Variants in BBS4 observed in about 807,000 individuals in gnomAD.
BBS4 encodes BBSome complex member BBS4.
In BBS4, 58 loss-of-function variants were observed where a neutral mutation model predicts 71.4. That is an observed-to-expected ratio of 0.81 (90% CI 0.66 to 1.01). The LOEUF is 1.01. Ranked by LOEUF, BBS4 falls within the 50% of genes least tolerant of loss-of-function variation. BBS4 has a pLI of 0.00. For missense variants in BBS4, 660 were observed against 607.9 expected, an observed-to-expected ratio of 1.09 and a Z score of -0.90; for synonymous variants, 228 against 216.8, an observed-to-expected ratio of 1.05 and a Z score of -0.46.
rs1355558988 is a variant in BBS4, at chr15:72,725,804, TCCC to T, written c.587+1152_587+1154del. Among the ~76,000 whole-genome samples, 9 of 16,120 alleles carry T rather than the reference TCCC, an allele frequency of 5.6e-4. 1 individual carries two copies. The highest frequency in any genetic ancestry group is 0.011 in the South Asian group (2 of 190). 10.6% of individuals were successfully genotyped at this position (16,120 alleles called of 152,430 possible). On this transcript the variant is annotated intron_variant, in intron 8 of 15. Transcript: ENST00000268057. ...CCCTTCCTCCTTCCCTCTTCCCCCATCCCCCTTCCCCCATCCCCCTTTCCCCAT... is the reference window on the plus strand; with the variant it reads ...CCCTTCCTCCTTCCCTCTTCCCCCATCCTTCCCCCATCCCCCTTTCCCCAT...
chr15:72,734,608 G>A (rs572313091), intron 12 of BBS4, among the ~76,000 whole-genome samples: 54 of 152,294 alleles, frequency 3.5e-4, no homozygotes, highest in African/African-American at 1.3e-3. Flanking sequence ...TGGGGAGGTG[G>A]AATGGGCAGG....
Position 72,738,346 on chromosome 15 carries a change from C to CT in BBS4, c.*760dup, listed in dbSNP as rs1230822054. The CT allele has an allele frequency of 2.2e-6, 1 of 453,750 alleles. No individual in the cohort carries two copies. Among genetic ancestry groups the CT allele is most frequent in the Admixed American group, 2.4e-5 (1 of 42,508 alleles). The allele number at this position is 453,750 out of a possible 1,614,324, so 28.1% of individuals were successfully genotyped here. On this transcript the variant is annotated 3_prime_UTR_variant, in exon 16 of 16. Transcript: ENST00000268057. ...TATTGAAGATAGTCAGTGATAACCACTGACCAGATGCTATCAATACACTAT... is the reference window on the plus strand; with the variant it reads ...TATTGAAGATAGTCAGTGATAACCACTTGACCAGATGCTATCAATACACTAT...
intron 1 of BBS4, among the ~76,000 whole-genome samples, chr15:72,692,116 CATT>C (rs2064995273): frequency 6.6e-6 from 1 of 151,940 alleles, no homozygotes; most frequent in Admixed American, 6.6e-5. Flanking sequence ...TAGCCCTGAG[CATT>C]ATTATGTAGG....
intron 1 of BBS4, 60 bp from the exon 2 acceptor site, chr15:72,695,117 T>C (rs2065052196): frequency 1.6e-6 from 2 of 1,223,836 alleles, no homozygotes; most frequent in Admixed American, 3.5e-5. Flanking sequence ...TTTGGATGCT[T>C]CTTTAAGTTA....
chr15:72,730,662 T>A (rs1184583198), intron 10 of BBS4, among the ~76,000 whole-genome samples: 1 of 152,186 alleles, frequency 6.6e-6, no homozygotes, highest in East Asian at 1.9e-4. Context: ...TTTTTCTAGA[T>A]GTGACTTTGG....
intron 2 of BBS4, 28 bp downstream of exon 2, chr15:72,695,256 A>G (rs1281747797): frequency 2.8e-6 from 4 of 1,410,872 alleles, no homozygotes; most frequent in Middle Eastern, 1.9e-4. Flanking sequence ...TGGTATGTGT[A>G]TGTTTGCACA....
chr15:72,715,503 C>A, intron 5 of BBS4, 101 bp downstream of exon 5: 2 of 823,560 alleles, frequency 2.4e-6, no homozygotes, highest in Non-Finnish European at 4.2e-6. Context: ...CAGCCTGATA[C>A]ACAAGTGGGG....
rs547415871 is a variant in BBS4, at chr15:72,712,695, C to T, written c.220+388C>T. Among the ~76,000 whole-genome samples, 4 of 152,126 alleles carry T rather than the reference C, an allele frequency of 2.6e-5. No individual in the cohort carries two copies. The South Asian group carries it at 8.3e-4, about 32-fold the overall frequency. ...TAGTATACCTGTATAGAGTACTTAC[C>T]ATGGATGGACTGGAAGTTGCTCTGG... On this transcript the variant is annotated intron_variant, in intron 4 of 15. Coordinates refer to ENST00000268057, the MANE Select transcript of BBS4 (RefSeq NM_033028.5).
At chr15:72,712,029 C>T (rs530543228) in intron 3 of BBS4, among the ~76,000 whole-genome samples, 25 of 152,040 alleles carry the variant, frequency 1.6e-4, no homozygotes, top group East Asian at 9.7e-4. Flanking sequence ...CACTACTGCC[C>T]GGCTAATTTT....
chr15:72,717,176 T>C (rs1014695070), intron 6 of BBS4: 2 of 307,764 alleles, frequency 6.5e-6, no homozygotes, highest in Non-Finnish European at 1.2e-5. Context: ...GTGTTTCATG[T>C]CTTTTTCCCG....
intron 5 of BBS4, 148 bp downstream of exon 5, chr15:72,715,550 G>A: frequency 1.4e-6 from 1 of 691,764 alleles, no homozygotes; most frequent in East Asian, 2.6e-5. Context: ...TCACTCTGAA[G>A]AGCATGGATT....
chr15:72,722,696 T>C, intron 6 of BBS4, 98 bp from the exon 7 acceptor site: 1 of 1,113,508 alleles, frequency 9.0e-7, no homozygotes, highest in Middle Eastern at 2.0e-4. Context: ...AGTTTAAACC[T>C]TGCCGAGCAA....
Position 72,715,209 on chromosome 15 carries a change from C to T in BBS4, c.221-82C>T, listed in dbSNP as rs980619026. ...ACTTGATGTGGTTTCCCAGTTTTCT[C>T]TTCTCCAATTTTTCTGACCCCAGGC... On this transcript the variant is annotated intron_variant, in intron 4 of 15. Coordinates refer to ENST00000268057, the MANE Select transcript of BBS4 (RefSeq NM_033028.5). 9 of 968,104 alleles carry T rather than the reference C, an allele frequency of 9.3e-6. 1 individual carries two copies. In the Admixed American group the frequency reaches 1.3e-4, roughly 14 times the overall value. 60.0% of individuals were successfully genotyped at this position (968,104 alleles called of 1,614,324 possible).
In BBS4 at chr15:72,731,448, A is replaced by C; in HGVS notation, c.855A>C (p.Lys285Asn). ...GAATGTGTTTCTTTGGCAAGAAGAAATATGTGGCGGTGAGTGTCCCCTCAT... is the reference window on the plus strand; with the variant it reads ...GAATGTGTTTCTTTGGCAAGAAGAACTATGTGGCGGTGAGTGTCCCCTCAT... ...NIGMCFFGKKKYVAAISCLKR... is the reference protein window; with the variant it reads ...NIGMCFFGKKNYVAAISCLKR... Residue 285 changes from lysine to asparagine, a missense_variant, in exon 11 of 16, where the codon AAA becomes AAC. Physicochemically the swap from Lys to Asn is moderately conservative, Grantham distance 94 (BLOSUM62 0). Coordinates refer to ENST00000268057, the MANE Select transcript of BBS4 (RefSeq NM_033028.5). 6.2e-7 allele frequency: 1 copy of C among 1,614,196 alleles called. No homozygotes were observed. The highest frequency in any genetic ancestry group is 8.5e-7 in the Non-Finnish European group (1 of 1,180,054).
At chr15:72,728,762 T>C (rs769629232) in intron 9 of BBS4, among the ~76,000 whole-genome samples, 22 of 152,218 alleles carry the variant, frequency 1.4e-4, no homozygotes, top group Non-Finnish European at 2.8e-4. Flanking sequence ...TTTAGCTCCA[T>C]TGATTCTCTG....
At position 72,715,295 on chromosome 15, in the gene BBS4, G is replaced by C. The variant is rs2065447939; in HGVS notation, c.225G>C (p.Leu75Phe). Residue 75 changes from leucine (L) to phenylalanine (F), a missense_variant, in exon 5 of 16, where the codon TTG (leucine) becomes TTC (phenylalanine). Leu to Phe is a conservative substitution (Grantham distance 22). Coordinates refer to ENST00000268057, the MANE Select transcript of BBS4 (RefSeq NM_033028.5). ...LCEYAIYVQALIFRLEGNIQE... is the reference protein window; with the variant it reads ...LCEYAIYVQAFIFRLEGNIQE... The stretch of plus-strand genomic sequence containing the variant: ...GTATTTTCTGTTTCTTGGCAGCATT[G>C]ATATTTCGCCTAGAAGGAAATATCC... 1 of 1,607,640 alleles carries C rather than the reference G, an allele frequency of 6.2e-7. No individual in the cohort carries two copies. The highest frequency in any genetic ancestry group is 1.1e-5 in the South Asian group (1 of 90,960).
At chr15:72,691,109 C>T (rs1029948221) in intron 1 of BBS4, among the ~76,000 whole-genome samples, 1 of 152,110 alleles carries the variant, frequency 6.6e-6, no homozygotes, top group Non-Finnish European at 1.5e-5. Flanking sequence ...CTCAACCTCC[C>T]GAGTAGCTGG....
Position 72,699,697 on chromosome 15 carries a change from A to G in BBS4, c.76+4469A>G, listed in dbSNP as rs182437728. Among the ~76,000 whole-genome samples, 214 of 152,294 alleles carry G rather than the reference A, an allele frequency of 1.4e-3. 1 individual carries two copies. Among genetic ancestry groups the G allele is most frequent in the East Asian group, 5.8e-4 (3 of 5,176 alleles). On this transcript the variant is annotated intron_variant, in intron 2 of 15. Coordinates refer to ENST00000268057, the MANE Select transcript of BBS4 (RefSeq NM_033028.5). ...GTATAAATTGATTTTGAACTTTCCT[A>G]TAATAAGTTGTGCTTGAACTTCACA...
rs143950536 is a variant in BBS4 at position 72,687,746 on chromosome 15, A to G, written c.24+1495A>G. Among the ~76,000 whole-genome samples, 30 of 151,992 alleles carry G rather than the reference A, an allele frequency of 2.0e-4. No individual in the cohort carries two copies. In the East Asian group the frequency reaches 5.8e-3, roughly 29 times the overall value. ...AGTTCGAGACCAGCCTGGCCAACGT[A>G]GTGAAACCCTGTCCCTACTAAAAAA... On this transcript the variant is annotated intron_variant, in intron 1 of 15. Coordinates refer to ENST00000268057, the MANE Select transcript of BBS4 (RefSeq NM_033028.5).
Sources: gnomAD v4.1 joint callset for allele counts (sites outside exome capture counted in the v4.1 genomes callset) on GRCh38, gnomAD v4.1.1 for gene constraint, MANE v1.5 for transcripts, NCBI Gene and HGNC (gene_info 2026-07-23, HGNC 2026-07-21) for gene names.